Variants in TRAK1 observed in about 807,000 individuals in gnomAD.
TRAK1 encodes trafficking kinesin protein 1, also known as trafficking kinesin-binding protein 1.
TRAK1 carries 33 observed loss-of-function variants against 92.1 expected under a neutral mutation model. The ratio of observed to expected loss-of-function variants is 0.36; its 90% CI spans 0.27 to 0.48. The LOEUF is 0.48. Among genes scored for constraint, TRAK1 ranks in the 20% least tolerant of loss-of-function variants. The pLI, the probability that TRAK1 is intolerant of heterozygous loss-of-function variation, is 0.99. For missense variants in TRAK1, 1,123 were observed against 1,257.9 expected, an observed-to-expected ratio of 0.89 and a Z score of 1.62; for synonymous variants, 521 against 517.3, an observed-to-expected ratio of 1.01 and a Z score of -0.10.
Position 42,223,082 on chromosome 3 carries a change from C to T in TRAK1, c.2207C>T (p.Thr736Ile), listed in dbSNP as rs767062678. 5.0e-6 allele frequency: 8 copies of T among 1,614,138 alleles called. No individual in the cohort carries two copies. Among genetic ancestry groups the T allele is most frequent in the Admixed American group, 3.3e-5 (2 of 60,030 alleles). Residue 736 changes from threonine (T) to isoleucine (I), a missense_variant, in exon 16 of 16, where the codon ACA (threonine) becomes ATA (isoleucine). Physicochemically the swap from Thr to Ile is moderately conservative, Grantham distance 89. Around this residue, in one of 3 missense-constraint regions of TRAK1, gnomAD observed 401 missense variants for 438.9 expected, o/e 0.91. Coordinates refer to ENST00000327628, the MANE Select transcript of TRAK1 (RefSeq NM_001042646.3). The surrounding 1 kb of genome is among the most constrained non-coding windows in gnomAD (Gnocchi z 6.1). ...NTRESTTTMS[T>I]SLGLVWLLKE... The stretch of plus-strand genomic sequence containing the variant: ...CGTGAGTCCACGACCACCATGAGCA[C>T]ATCCCTGGGGCTCGTGTGGCTGTTG...
chr3:42,172,648 T>G (rs919422712), intron 2 of TRAK1, among the ~76,000 whole-genome samples: 1 of 152,180 alleles, frequency 6.6e-6, no homozygotes, highest in Non-Finnish European at 1.5e-5. Flanking sequence ...TCGAACCCCC[T>G]GAGCCCCATC....
intron 1 of TRAK1, among the ~76,000 whole-genome samples, chr3:42,071,765 C>G (rs141300538): frequency 6.6e-6 from 1 of 151,876 alleles, no homozygotes; most frequent in African/African-American, 2.4e-5. Flanking sequence ...CCCAGAGACC[C>G]CCTGCCATTC....
At chr3:42,178,346 T>C (rs1703498469) in intron 3 of TRAK1, among the ~76,000 whole-genome samples, 1 of 152,070 alleles carries the variant, frequency 6.6e-6, no homozygotes, top group South Asian at 2.1e-4. Flanking sequence ...CACCCATTGC[T>C]CAAGGTCCTG....
chr3:42,150,385 G>A (rs1699827531), intron 2 of TRAK1, among the ~76,000 whole-genome samples: 1 of 152,114 alleles, frequency 6.6e-6, no homozygotes. Context: ...TGGGGTGTTG[G>A]ACATCAAAAT....
chr3:42,171,821 G>A (rs1261706097), intron 2 of TRAK1, among the ~76,000 whole-genome samples: 1 of 152,074 alleles, frequency 6.6e-6, no homozygotes, highest in East Asian at 1.9e-4. Context: ...GTATGTTTGG[G>A]GTTTTTTGGC....
At chr3:42,125,716 T>A in intron 2 of TRAK1, 102 bp downstream of exon 2, 1 of 1,317,428 alleles carries the variant, frequency 7.6e-7, no homozygotes, top group Non-Finnish European at 1.0e-6. Flanking sequence ...GTGATGTGGC[T>A]TGCCACCTCT....
intron 2 of TRAK1, among the ~76,000 whole-genome samples, chr3:42,146,711 C>T (rs532255080): frequency 3.3e-5 from 5 of 152,224 alleles, no homozygotes; most frequent in South Asian, 2.1e-4. Context: ...TGTGCTACCA[C>T]GTCTAGCTGG....
intron 1 of TRAK1, among the ~76,000 whole-genome samples, chr3:42,024,541 A>G (rs1327158888): frequency 6.6e-6 from 1 of 152,212 alleles, no homozygotes; most frequent in Non-Finnish European, 1.5e-5. Flanking sequence ...TCAAAACAGA[A>G]CACTGTCAAG....
At chr3:42,081,576 A>G (rs1051808750) in intron 1 of TRAK1, among the ~76,000 whole-genome samples, 2 of 152,220 alleles carry the variant, frequency 1.3e-5, no homozygotes, top group Non-Finnish European at 2.9e-5. Context: ...TGGACAATGC[A>G]TGAAGCTTGT....
intron 1 of TRAK1, among the ~76,000 whole-genome samples, chr3:42,028,237 G>A (rs1701993486): frequency 6.6e-6 from 1 of 152,220 alleles, no homozygotes; most frequent in South Asian, 2.1e-4. Flanking sequence ...CCCCAGTAGA[G>A]TTGCTGAGTG....
At chr3:42,201,777 G>C (rs1707597123) in intron 12 of TRAK1, among the ~76,000 whole-genome samples, 2 of 151,874 alleles carry the variant, frequency 1.3e-5, no homozygotes, top group African/African-American at 4.8e-5. Context: ...GTGGGGTGCA[G>C]GGGGGCCAAG....
intron 2 of TRAK1, chr3:42,160,563 G>GTTTTTT (rs1394896843): frequency 2.0e-6 from 2 of 1,002,764 alleles, no homozygotes; most frequent in South Asian, 2.0e-5. Flanking sequence ...GCACTGTTTT[G>GTTTTTT]TTTTTGTTTT....
chr3:42,152,151 T>C (rs1165104037), intron 2 of TRAK1, among the ~76,000 whole-genome samples: 2 of 152,200 alleles, frequency 1.3e-5, no homozygotes, highest in Non-Finnish European at 2.9e-5. Flanking sequence ...CTCCTGTTTA[T>C]TAATGTTTGT....
At chr3:42,026,752 C>T (rs1229396413) in intron 1 of TRAK1, among the ~76,000 whole-genome samples, 6 of 151,894 alleles carry the variant, frequency 4.0e-5, no homozygotes, top group African/African-American at 9.7e-5. Context: ...CTTGAACTCC[C>T]GACCTCAGGT....
intron 3 of TRAK1, among the ~76,000 whole-genome samples, chr3:42,178,279 A>T (rs892375370): frequency 1.2e-4 from 18 of 152,050 alleles, no homozygotes; most frequent in African/African-American, 4.4e-4. Flanking sequence ...GCCACCGTCC[A>T]TGCCCTCTGT....
chr3:42,102,752 G>A (rs964206064), intron 1 of TRAK1, among the ~76,000 whole-genome samples: 2 of 152,110 alleles, frequency 1.3e-5, no homozygotes, highest in African/African-American at 4.8e-5. Context: ...TTCCCTTACT[G>A]CGCATGTGTT....
At chr3:42,222,284 A>G (rs1296611366) in intron 15 of TRAK1, among the ~76,000 whole-genome samples, 1 of 151,984 alleles carries the variant, frequency 6.6e-6, no homozygotes, top group Non-Finnish European at 1.5e-5. Context: ...CTCTAACTCC[A>G]CTGGTTAGAA....
rs1576990306 is a variant in TRAK1 at position 42,202,551 on chromosome 3, T to G, written c.1543T>G (p.Phe515Val). ...GGAGAACTACCTCTCGGAGAGGAGG[T>G]TCTTTGAGGAGGAGCAAGAGAGGAA... ...RRENYLSERR[F>V]FEEEQERKLQ... is the part of the protein sequence containing the mutation. The change falls in exon 13 of 16, where the codon TTC becomes GTC. Residue 515 changes from phenylalanine to valine, a missense_variant. By Grantham distance (50) the Phe-to-Val change is conservative. Around this residue, in one of 3 missense-constraint regions of TRAK1, gnomAD observed 686 missense variants for 747.6 expected, o/e 0.92. Coordinates refer to ENST00000327628, the MANE Select transcript of TRAK1 (RefSeq NM_001042646.3). This position sits in a 1 kb window ranked among gnomAD's most constrained non-coding sequence, Gnocchi z 6.1. The G allele has an allele frequency of 1.3e-6, 2 of 1,565,562 alleles. No individual in the cohort carries two copies.
chr3:42,153,405 TA>T (rs890153676), intron 2 of TRAK1, among the ~76,000 whole-genome samples: 13 of 146,752 alleles, frequency 8.9e-5, no homozygotes, highest in South Asian at 2.2e-4. Context: ...TTAAAAAAAA[TA>T]AAAAAAAAAG....
Sources: allele counts gnomAD v4.1 joint callset (sites outside exome capture counted in the v4.1 genomes callset), GRCh38; gene constraint gnomAD v4.1.1; regional missense constraint gnomAD v4.1.1; non-coding constraint Gnocchi (gnomAD v3.1); transcripts MANE v1.5; gene names NCBI Gene and HGNC (gene_info 2026-07-23, HGNC 2026-07-21).